CENPC: variants seen among roughly 807,000 people sequenced by gnomAD.
The protein encoded by CENPC is CENP-C 1.
Under a neutral mutation model 112.1 loss-of-function variants are expected in CENPC, and 63 were observed. The ratio of observed to expected loss-of-function variants is 0.56; its 90% confidence interval spans 0.46 to 0.69. The LOEUF (loss-of-function observed/expected upper bound fraction) is 0.69, where lower values mean the gene tolerates loss of function less well. Ranked by LOEUF, CENPC falls within the 30% of genes least tolerant of loss-of-function variation. The pLI, the probability that CENPC is intolerant of heterozygous loss-of-function variation, is 0.00. For synonymous variants in CENPC, 333 were observed against 367.6 expected (o/e 0.91, Z 1.08); for missense variants, 1,000 against 1,103.8 (o/e 0.91, Z 1.33).
intron 17 of CENPC, among the ~76,000 whole-genome samples, chr4:67,483,479 C>T (rs1725007460): frequency 6.6e-6 from 1 of 151,942 alleles, no homozygotes; most frequent in South Asian, 2.1e-4. Context: ...TAATAAACAA[C>T]TATGCCACTG....
rs149099065 is a variant in CENPC at position 67,511,473 on chromosome 4, T to C, written c.1612+929A>G. ...TCCCAAAACAATAAATGTTTCATAT[T>C]GTGCAGAAAAAAGTTAGCAAAGCAG... On this transcript the variant is annotated intron_variant, in intron 9 of 18. Coordinates refer to ENST00000273853, the MANE Select transcript of CENPC (RefSeq NM_001812.4). Among the ~76,000 whole-genome samples the C allele has an allele frequency of 1.1e-3, 167 of 152,272 alleles. 8 individuals carry two copies. In the East Asian group the frequency reaches 0.017, roughly 16 times the overall value.
rs1049732200 is a variant in CENPC, at chr4:67,469,872, G to C, written c.*2733C>G. The C allele has an allele frequency of 2.6e-5, 4 of 152,234 alleles. No homozygotes were observed. Among genetic ancestry groups the C allele is most frequent in the Admixed American group, 6.5e-5 (1 of 15,298 alleles). The allele number at this position is 152,234 out of a possible 1,614,324, so 9.4% of individuals were successfully genotyped here. A position where few individuals can be genotyped will look rare whatever the true frequency, so the allele number is the denominator to read the frequency against. On this transcript the variant is annotated 3_prime_UTR_variant, in exon 19 of 19. Transcript: ENST00000273853. ...TTGAGAAAACTGAATTGTGATGCAG[G>C]GTACAGAAGTGGAAACTCCACTGAA...
At chr4:67,492,301 C>G (rs1360448436) in intron 15 of CENPC, 26 bp from the exon 16 acceptor site, 1 of 1,400,974 alleles carries the variant, frequency 7.1e-7, no homozygotes, top group Non-Finnish European at 9.8e-7. Flanking sequence ...CATTGAAATA[C>G]AAACTACTTA....
chr4:67,472,759 T>G (rs1409238311), intron 18 of CENPC, 84 bp from the exon 19 acceptor site: 3 of 1,309,098 alleles, frequency 2.3e-6, no homozygotes, highest in East Asian at 5.8e-5. Flanking sequence ...CACCTGACAG[T>G]TGTAGTATAG....
intron 17 of CENPC, among the ~76,000 whole-genome samples, chr4:67,479,949 C>A (rs1301885877): frequency 6.6e-6 from 1 of 152,032 alleles, no homozygotes; most frequent in Non-Finnish European, 1.5e-5. Flanking sequence ...TAGATTAAAC[C>A]AGGAAGAAAT....
At chr4:67,492,355 G>C (rs1262428991) in intron 15 of CENPC, 80 bp from the exon 16 acceptor site, 1 of 798,198 alleles carries the variant, frequency 1.3e-6, no homozygotes, top group Non-Finnish European at 2.0e-6. Context: ...ACAAAATATA[G>C]CTATAGAGAA....
At chr4:67,532,369 C>T (rs1235209616) in intron 4 of CENPC, among the ~76,000 whole-genome samples, 1 of 152,182 alleles carries the variant, frequency 6.6e-6, no homozygotes, top group Non-Finnish European at 1.5e-5. Context: ...ACTAGAAATA[C>T]CATTTGACCC....
At chr4:67,523,613 C>T (rs1726292925) in intron 5 of CENPC, among the ~76,000 whole-genome samples, 2 of 152,024 alleles carry the variant, frequency 1.3e-5, no homozygotes, top group African/African-American at 4.8e-5. Flanking sequence ...AACATAGATA[C>T]AGATAGTTAC....
At chr4:67,474,631 G>C (rs1353842836) in intron 18 of CENPC, 3 of 349,920 alleles carry the variant, frequency 8.6e-6, no homozygotes. Flanking sequence ...CCAGGAGGTG[G>C]AGGCTACAGT....
chr4:67,494,500 A>G (rs769498500), intron 13 of CENPC, among the ~76,000 whole-genome samples: 5 of 152,176 alleles, frequency 3.3e-5, no homozygotes, highest in Non-Finnish European at 7.4e-5. Context: ...GAGGTATAGC[A>G]GTCTCTCATC....
Position 67,509,036 on chromosome 4 carries a change from G to A in CENPC, c.1682C>T (p.Thr561Ile), listed in dbSNP as rs776450845. 2.5e-6 allele frequency: 4 copies of A among 1,612,346 alleles called. No homozygotes were observed. The highest frequency in any genetic ancestry group is 1.7e-5 in the Admixed American group (1 of 59,822). ...PMHHNSSRKSTKKTNQSSKNI... is the reference protein window; with the variant it reads ...PMHHNSSRKSIKKTNQSSKNI... ...CTTAGATGACTGATTTGTTTTCTTA[G>A]TAGATTTTCGGCTACTATTGTGATG... is the stretch of plus-strand genomic sequence containing the variant. The change falls in exon 10 of 19, where the codon ACT (threonine) becomes ATT (isoleucine). Residue 561 changes from threonine to isoleucine, a missense_variant. Transcript: ENST00000273853.
rs547974922 is a variant in CENPC, at chr4:67,512,239, C to T, written c.1612+163G>A. 329 of 566,832 alleles carry T rather than the reference C, an allele frequency of 5.8e-4. 9 individuals are homozygous for T. The South Asian group carries it at 7.9e-3, about 14-fold the overall frequency. The allele number at this position is 566,832 out of a possible 1,614,324, so 35.1% of individuals were successfully genotyped here. ...ATTCCTAAAATACTGTATATATTAACGCTTCAAGGAATATCTTTACCATTG... is the reference window on the plus strand; with the variant it reads ...ATTCCTAAAATACTGTATATATTAATGCTTCAAGGAATATCTTTACCATTG... On this transcript the variant is annotated intron_variant, in intron 9 of 18. Transcript: ENST00000273853.
chr4:67,484,971 T>C (rs1437981988), intron 17 of CENPC, among the ~76,000 whole-genome samples: 2 of 152,140 alleles, frequency 1.3e-5, no homozygotes. Context: ...CGGGCACCTA[T>C]AGTCCCAGTT....
At position 67,514,586 on chromosome 4, in the gene CENPC, C is replaced by T; in HGVS notation, c.932G>A (p.Ser311Asn). The T allele has an allele frequency of 6.2e-7, 1 of 1,609,318 alleles. No individual in the cohort carries two copies. Among genetic ancestry groups the T allele is most frequent in the Non-Finnish European group, 8.5e-7 (1 of 1,177,820 alleles). ...TGTAATCCAAGATCTACTGGCAAAACTTTGATCCGACTCATCAATTATAAA... is the reference window on the plus strand; with the variant it reads ...TGTAATCCAAGATCTACTGGCAAAATTTTGATCCGACTCATCAATTATAAA... ...DEFIIDESDQ[S>N]FASRSWITIP... The change falls in exon 8 of 19, where the codon AGT becomes AAT. Residue 311 changes from serine (S) to asparagine (N), a missense_variant. Transcript: ENST00000273853.
chr4:67,530,495 T>C (rs1185254818), intron 5 of CENPC, among the ~76,000 whole-genome samples: 3 of 152,040 alleles, frequency 2.0e-5, no homozygotes, highest in East Asian at 1.9e-4. Flanking sequence ...AGCAGAATGA[T>C]AGGAGTAATG....
chr4:67,474,902 A>C lies in CENPC; in HGVS notation c.2747T>G (p.Phe916Cys), dbSNP rs1560416257. The change falls in exon 18 of 19, where the codon TTC becomes TGC. Residue 916 changes from phenylalanine to cysteine, a missense_variant. Physicochemically the swap from Phe to Cys is radical, Grantham distance 205. Transcript: ENST00000273853. ...TPYILSTGDS[F>C]YVPSGNYYNI... ...AATTGTCTTACCTGAAGGAACATAG[A>C]ACGAATCCCCAGTACTTAATATATA... is the stretch of plus-strand genomic sequence containing the variant. The C allele has an allele frequency of 6.4e-7, 1 of 1,574,300 alleles. No homozygotes were observed. The highest frequency in any genetic ancestry group is 8.7e-7 in the Non-Finnish European group (1 of 1,153,110).
At chr4:67,493,668 T>A (rs1725346596) in intron 14 of CENPC, 2 of 441,342 alleles carry the variant, frequency 4.5e-6, no homozygotes, top group Non-Finnish European at 8.1e-6. Flanking sequence ...CAATTGGAAA[T>A]CTTGTCAGAT....
At position 67,495,172 on chromosome 4, in the gene CENPC, G is replaced by A. The variant is rs1725395498; in HGVS notation, c.2172C>T (p.Ile724=). Reference sequence around the variant, plus strand: ...AAATATTCTTACCTAGTTTGTGATGGATTCTGTTCTTTGGTATCACTTTAG... The same window carrying A: ...AAATATTCTTACCTAGTTTGTGATGAATTCTGTTCTTTGGTATCACTTTAG... ...KQSKVIPKNR[I]HHKLVLPSNT... The change falls in exon 13 of 19, where the codon ATC becomes ATT. Residue 724 remains isoleucine, a synonymous_variant. Transcript: ENST00000273853. The A allele has an allele frequency of 4.6e-6, 7 of 1,527,534 alleles. No homozygotes were observed. The highest frequency in any genetic ancestry group is 6.1e-6 in the Non-Finnish European group (7 of 1,139,196). The allele number at this position is 1,527,534 out of a possible 1,614,324, so 94.6% of individuals were successfully genotyped here. A position where few individuals can be genotyped will look rare whatever the true frequency, so the allele number is the denominator to read the frequency against.
At chr4:67,494,926 G>T (rs1560425162) in intron 13 of CENPC, among the ~76,000 whole-genome samples, 1 of 152,056 alleles carries the variant, frequency 6.6e-6, no homozygotes, top group Non-Finnish European at 1.5e-5. Context: ...CCCCTACTAT[G>T]GGGCAAAAAG....
Sources: gnomAD v4.1 joint callset for allele counts (sites outside exome capture counted in the v4.1 genomes callset) on GRCh38, gnomAD v4.1.1 for gene constraint, MANE v1.5 for transcripts, NCBI Gene and HGNC (gene_info 2026-07-23, HGNC 2026-07-21) for gene names.